Variants in TSPAN15 observed in about 807,000 individuals in gnomAD.
TSPAN15 encodes tetraspanin-15.
Under a neutral mutation model 34.5 loss-of-function variants are expected in TSPAN15, and 20 were observed. That is an observed-to-expected ratio of 0.58 (90% CI 0.41 to 0.84). The LOEUF (loss-of-function observed/expected upper bound fraction) is 0.84, where lower values mean the gene tolerates loss of function less well. TSPAN15 is among the 40% of genes least tolerant of loss of function. The pLI, the probability that TSPAN15 is intolerant of heterozygous loss-of-function variation, is 0.00. For missense variants in TSPAN15, 313 were observed against 386.1 expected (o/e 0.81, Z 1.59); for synonymous variants, 155 against 153.9 (o/e 1.01, Z -0.05).
In TSPAN15 at chr10:69,451,580, C is replaced by CGG. The variant is rs959753791; in HGVS notation, c.-12_-11dup. ...AGCCCCGGAGCCCCCGTAACCCGCG[C>CGG]GGGGAGCGCCCAGGATGCCGCGCGG... On this transcript the variant is annotated 5_prime_UTR_variant, in exon 1 of 8. Transcript: ENST00000373290. The CGG allele has an allele frequency of 2.1e-6, 3 of 1,448,980 alleles. No individual in the cohort carries two copies. Among genetic ancestry groups the CGG allele is most frequent in the Non-Finnish European group, 2.7e-6 (3 of 1,097,370 alleles). 89.8% of individuals were successfully genotyped at this position (1,448,980 alleles called of 1,614,324 possible).
intron 1 of TSPAN15, among the ~76,000 whole-genome samples, chr10:69,462,159 T>TG (rs2133069182): frequency 9.0e-6 from 1 of 111,486 alleles, no homozygotes; most frequent in East Asian, 2.2e-4. Flanking sequence ...TTTAAAGTTT[T>TG]TTTTTTTTTT....
At chr10:69,531,165 A>G in the TSPAN15 span, among the ~76,000 whole-genome samples, 1 of 147,254 alleles carries the variant, frequency 6.8e-6, no homozygotes, top group Non-Finnish European at 1.5e-5. Context: ...GCAAGCCACT[A>G]TATTTTTAAC....
chr10:69,508,695 C>T (rs1362464583), downstream of TSPAN15, among the ~76,000 whole-genome samples: 2 of 152,140 alleles, frequency 1.3e-5, no homozygotes, highest in Non-Finnish European at 2.9e-5. Flanking sequence ...TCCTTTAATC[C>T]TCACGACTAG....
chr10:69,456,875 G>A (rs755927447), intron 1 of TSPAN15, among the ~76,000 whole-genome samples: 1 of 152,118 alleles, frequency 6.6e-6, no homozygotes, highest in African/African-American at 2.4e-5. Flanking sequence ...TCTTGTTTTC[G>A]GCAGGGAACT....
chr10:69,538,202 A>G, the TSPAN15 span, among the ~76,000 whole-genome samples: 1 of 152,194 alleles, frequency 6.6e-6, no homozygotes, highest in South Asian at 2.1e-4. Context: ...GGGGAAACAA[A>G]CATTCATTCC....
chr10:69,507,651 GTTT>G (rs398014021), exon 8 of TSPAN15: 11,676 of 988,538 alleles, frequency 0.012, 1 homozygote, highest in East Asian at 0.038. Flanking sequence ...ATAAAAACAT[GTTT>G]TTTTTTTTTT....
At chr10:69,507,720 C>A, downstream of TSPAN15, 4 of 1,149,942 alleles carry the variant, frequency 3.5e-6, no homozygotes, top group South Asian at 3.0e-5. Flanking sequence ...AGGAAGGCTG[C>A]AACCTGGATT....
At chr10:69,480,181 C>T (rs1000927730) in intron 1 of TSPAN15, among the ~76,000 whole-genome samples, 5 of 152,046 alleles carry the variant, frequency 3.3e-5, no homozygotes, top group African/African-American at 1.2e-4. Flanking sequence ...AGCATTGGGG[C>T]CAGTGGCAGC....
At chr10:69,467,673 C>CACACACACAA (rs535692277) in intron 1 of TSPAN15, among the ~76,000 whole-genome samples, 86 of 76,404 alleles carry the variant, frequency 1.1e-3, no homozygotes, top group African/African-American at 2.5e-3. Flanking sequence ...CACACACACA[C>CACACACACAA]ACCTCTTCTT....
the TSPAN15 span, among the ~76,000 whole-genome samples, chr10:69,540,485 G>A: frequency 6.6e-6 from 1 of 152,124 alleles, no homozygotes; most frequent in Admixed American, 6.5e-5. Context: ...TGAATGTGAG[G>A]GGATTTCAAT....
the TSPAN15 span, among the ~76,000 whole-genome samples, chr10:69,525,820 C>CAA: frequency 2.9e-3 from 331 of 115,680 alleles, 8 homozygotes; most frequent in African/African-American, 4.6e-3. Context: ...GACTCTGTCT[C>CAA]AAAAAAAAAA....
At chr10:69,536,232 T>TTAGA in the TSPAN15 span, among the ~76,000 whole-genome samples, 1 of 152,252 alleles carries the variant, frequency 6.6e-6, no homozygotes, top group Admixed American at 6.5e-5. Flanking sequence ...AATTAGTGAA[T>TTAGA]TAGAGCATGT....
the TSPAN15 span, among the ~76,000 whole-genome samples, chr10:69,542,241 C>A: frequency 6.6e-6 from 1 of 152,184 alleles, no homozygotes; most frequent in Admixed American, 6.5e-5. Flanking sequence ...AGTTCCTCAT[C>A]TCCATCTGAG....
intron 1 of TSPAN15, among the ~76,000 whole-genome samples, chr10:69,460,016 GGAGATGAGATGAGATGAGAT>G (rs56801982): frequency 0.018 from 2,474 of 141,220 alleles, 82 homozygotes; most frequent in African/African-American, 0.061. Context: ...GGGTAGTTGG[GGAGATGAGATGAGATGAGAT>G]GAGATGAGAT....
the TSPAN15 span, among the ~76,000 whole-genome samples, chr10:69,535,669 A>G: frequency 6.6e-6 from 1 of 152,184 alleles, no homozygotes; most frequent in Admixed American, 6.5e-5. Flanking sequence ...TGCCCCTGGC[A>G]CCCACACCCA....
At chr10:69,455,590 C>CTCTTTCTTTCTTTCTT (rs749957203) in intron 1 of TSPAN15, among the ~76,000 whole-genome samples, 1 of 106,762 alleles carries the variant, frequency 9.4e-6, no homozygotes, top group Non-Finnish European at 2.0e-5. Context: ...TTCTTTCTTT[C>CTCTTTCTTTCTTTCTT]TCTTTCTTTC....
the TSPAN15 span, among the ~76,000 whole-genome samples, chr10:69,519,312 T>A: frequency 1.3e-5 from 2 of 152,002 alleles, no homozygotes; most frequent in Non-Finnish European, 2.9e-5. Flanking sequence ...CCCATGTTCT[T>A]GGGAGGTTGA....
chr10:69,505,262 C>T (rs867143230), intron 6 of TSPAN15, among the ~76,000 whole-genome samples: 9 of 152,216 alleles, frequency 5.9e-5, no homozygotes, highest in Non-Finnish European at 7.3e-5. Flanking sequence ...CAGCAATTTA[C>T]AGCTGTTTAA....
downstream of TSPAN15, among the ~76,000 whole-genome samples, chr10:69,508,022 G>A (rs1490592037): frequency 6.6e-6 from 1 of 152,182 alleles, no homozygotes; most frequent in Non-Finnish European, 1.5e-5. Context: ...CGCATGCAGA[G>A]CGTGGTGTCG....
Sources: allele counts gnomAD v4.1 joint callset (sites outside exome capture counted in the v4.1 genomes callset), GRCh38; gene constraint gnomAD v4.1.1; transcripts MANE v1.5; gene names NCBI Gene and HGNC (gene_info 2026-07-23, HGNC 2026-07-21).